ATP12A: variants seen among roughly 807,000 people sequenced by gnomAD.
ATP12A encodes the protein ATPase H+/K+ transporting non-gastric alpha2 subunit.
In ATP12A, 81 loss-of-function variants were observed where a neutral mutation model predicts 111.2. The ratio of observed to expected loss-of-function variants is 0.73; its 90% CI spans 0.61 to 0.88. ATP12A has a LOEUF of 0.88. Ranked by LOEUF, ATP12A falls within the 40% of genes least tolerant of loss-of-function variation. The probability of loss-of-function intolerance (pLI) is 0.00; values close to 1 mark genes in which losing one functional copy is unlikely to be tolerated. For missense variants in ATP12A, 1,196 were observed against 1,313.1 expected (o/e 0.91, Z 1.38); for synonymous variants, 498 against 499.8 (o/e 1.00, Z 0.05).
rs751386358 is a variant in ATP12A, at chr13:24,681,650, G to A, written c.98G>A (p.Gly33Asp). 6.2e-7 allele frequency: 1 copy of A among 1,614,214 alleles called. No homozygotes were observed. Among genetic ancestry groups the A allele is most frequent in the Non-Finnish European group, 8.5e-7 (1 of 1,180,040 alleles). The stretch of plus-strand genomic sequence containing the variant: ...GGGGATGGCAAGGAGAAGTATAGGG[G>A]TCTGAAGAACAACTGCCTGGAACTC... ...DKGDGKEKYR[G>D]LKNNCLELKK... is the part of the protein sequence containing the mutation. Residue 33 changes from glycine (G) to aspartate (D), a missense_variant, in exon 2 of 23, where the codon GGT (glycine) becomes GAT (aspartate). Physicochemically the swap from Gly to Asp is moderately conservative, Grantham distance 94 (BLOSUM62 -1). Transcript: ENST00000381946.
intron 9 of ATP12A, 42 bp downstream of exon 9, chr13:24,692,669 T>A: frequency 6.2e-7 from 1 of 1,600,886 alleles, no homozygotes; most frequent in Non-Finnish European, 8.5e-7. Flanking sequence ...AGCTGTGGAC[T>A]CCATCCTGGG....
chr13:24,712,022 C>T lies in ATP12A; in HGVS notation c.*500C>T, dbSNP rs1363735750. 1.1e-5 allele frequency: 2 copies of T among 178,344 alleles called. No individual in the cohort carries two copies. Among genetic ancestry groups the T allele is most frequent in the Non-Finnish European group, 2.4e-5 (2 of 83,654 alleles). The allele number at this position is 178,344 out of a possible 1,614,324, so 11.0% of individuals were successfully genotyped here. On this transcript the variant is annotated 3_prime_UTR_variant, in exon 23 of 23. Transcript: ENST00000381946. ...GAGGGTCTGCAGGAGATGGAAGTGG[C>T]GGCAGGTTTACATCACAGCAGCACG...
At chr13:24,699,175 C>T (rs1300582136) in intron 12 of ATP12A, among the ~76,000 whole-genome samples, 7 of 152,160 alleles carry the variant, frequency 4.6e-5, no homozygotes, top group South Asian at 2.1e-4. Flanking sequence ...AGAGGCAGAA[C>T]GGCGTGGGGC....
chr13:24,711,597 A>G lies in ATP12A; in HGVS notation c.*75A>G. ...TCATCTTCTGACCGTTTGCTGGGCT[A>G]TTCCCCTGCAGTGCAGACATCGTCA... is the stretch of plus-strand genomic sequence containing the variant. On this transcript the variant is annotated 3_prime_UTR_variant, in exon 23 of 23. Transcript: ENST00000381946. 7 of 1,593,872 alleles carry G rather than the reference A, an allele frequency of 4.4e-6. No homozygotes were observed. Among genetic ancestry groups the G allele is most frequent in the Admixed American group, 1.7e-5 (1 of 59,918 alleles).
chr13:24,702,190 T>C, intron 14 of ATP12A, 119 bp downstream of exon 14: 1 of 1,326,740 alleles, frequency 7.5e-7, no homozygotes, highest in Admixed American at 1.9e-5. Flanking sequence ...ATGCTAGGCT[T>C]GTTTGAGCTA....
At position 24,680,453 on chromosome 13, in the gene ATP12A, T is replaced by A; in HGVS notation, c.-291T>A. On this transcript the variant is annotated 5_prime_UTR_variant, in exon 1 of 23. Coordinates refer to ENST00000381946, the MANE Select transcript of ATP12A (RefSeq NM_001676.7). ...ACCCCTAGCTGTCGGTCCCCCTCCC[T>A]GCGCGCGCGCCGGCGGGTTTCCTAC... is the stretch of plus-strand genomic sequence containing the variant. 2.4e-6 allele frequency: 1 copy of A among 421,636 alleles called. No homozygotes were observed. Among genetic ancestry groups the A allele is most frequent in the Non-Finnish European group, 4.2e-6 (1 of 237,496 alleles). The allele number at this position is 421,636 out of a possible 1,614,324, so 26.1% of individuals were successfully genotyped here.
chr13:24,681,543 A>G lies in ATP12A; in HGVS notation c.10-19A>G. ...AAACCCCATTTGGGGCCAATATTGC[A>G]CCTGGGCTTCTCTTTCAGAAAACCC... On this transcript the variant is annotated intron_variant, in intron 1 of 22. Transcript: ENST00000381946. The G allele has an allele frequency of 1.2e-6, 2 of 1,608,186 alleles. No homozygotes were observed.
intron 11 of ATP12A, among the ~76,000 whole-genome samples, chr13:24,694,919 G>T (rs916077172): frequency 1.3e-5 from 2 of 152,100 alleles, no homozygotes; most frequent in Non-Finnish European, 2.9e-5. Context: ...CTTCTGCCGT[G>T]AGGAGCAGCA....
In ATP12A at chr13:24,685,070, G is replaced by A. The variant is rs995880850; in HGVS notation, c.169-244G>A. On this transcript the variant is annotated intron_variant, in intron 2 of 22. Transcript: ENST00000381946. The surrounding 1 kb of genome is among the most constrained non-coding windows in gnomAD (Gnocchi z 5.5). ...GCTTTGTTCAGAAAAGCTGCAGGCA[G>A]CTTCTGGGTAGTAACAGCAAGTGCA... is the stretch of plus-strand genomic sequence containing the variant. Among the ~76,000 whole-genome samples, 1 of 152,222 alleles carries A rather than the reference G, an allele frequency of 6.6e-6. No individual in the cohort carries two copies.
rs779180633 is a variant in ATP12A, at chr13:24,681,697, G to A, written c.145G>A (p.Glu49Lys). Residue 49 changes from glutamate (E) to lysine (K), a missense_variant, in exon 2 of 23, where the codon GAG becomes AAG. Physicochemically the swap from Glu to Lys is moderately conservative, Grantham distance 56. Around this residue, in one of 3 missense-constraint regions of ATP12A, gnomAD observed 67 missense variants for 64.0 expected, o/e 1.05. Coordinates refer to ENST00000381946, the MANE Select transcript of ATP12A (RefSeq NM_001676.7). ...ACTCAAAAAGAAAAATCACAAAGAG[G>A]AGTTTCAGAAAGAACTCCATCTGGT... ...LELKKKNHKE[E>K]FQKELHLDDH... The A allele has an allele frequency of 3.7e-6, 6 of 1,614,174 alleles. No homozygotes were observed. Among genetic ancestry groups the A allele is most frequent in the Non-Finnish European group, 5.1e-6 (6 of 1,180,022 alleles).
intron 10 of ATP12A, among the ~76,000 whole-genome samples, chr13:24,693,256 A>C (rs1245955388): frequency 6.6e-6 from 1 of 151,842 alleles, no homozygotes; most frequent in East Asian, 1.9e-4. Flanking sequence ...AAATAAAAGG[A>C]CTCCTGTTAA....
At chr13:24,692,763 C>A in intron 9 of ATP12A, 24 bp from the exon 10 acceptor site, 1 of 1,611,066 alleles carries the variant, frequency 6.2e-7, no homozygotes, top group Non-Finnish European at 8.5e-7. Flanking sequence ...CCACAGCAGC[C>A]ACTGTTCTTT....
chr13:24,709,650 A>G, intron 18 of ATP12A, 33 bp from the exon 19 acceptor site: 1 of 1,609,386 alleles, frequency 6.2e-7, no homozygotes, highest in Non-Finnish European at 8.5e-7. Flanking sequence ...AGGCCATCAT[A>G]GAACCTGTGT....
At chr13:24,700,128 C>T (rs1334170259) in intron 12 of ATP12A, among the ~76,000 whole-genome samples, 8 of 152,190 alleles carry the variant, frequency 5.3e-5, no homozygotes. Context: ...ACAAGAGTCC[C>T]TTCCACCTCA....
intron 10 of ATP12A, 122 bp from the exon 11 acceptor site, chr13:24,694,322 C>T (rs1424392029): frequency 1.3e-5 from 17 of 1,283,986 alleles, no homozygotes; most frequent in Middle Eastern, 3.9e-4. Flanking sequence ...TCCCTGATCA[C>T]GTGATAATGT....
intron 17 of ATP12A, among the ~76,000 whole-genome samples, chr13:24,707,679 G>A (rs561449863): frequency 2.8e-4 from 42 of 152,260 alleles, no homozygotes; most frequent in African/African-American, 1.0e-3. Context: ...ACACTCTATA[G>A]TGAGCTTTTT....
chr13:24,709,892 G>T lies in ATP12A; in HGVS notation c.2763+64G>T, dbSNP rs2137725173. 5.7e-6 allele frequency: 9 copies of T among 1,589,624 alleles called. No individual in the cohort carries two copies. The South Asian group carries it at 7.8e-5, about 14-fold the overall frequency. On this transcript the variant is annotated intron_variant, in intron 19 of 22. Coordinates refer to ENST00000381946, the MANE Select transcript of ATP12A (RefSeq NM_001676.7). Reference sequence around the variant, plus strand: ...CTCTCCATGCTCATTGCCCTGCGCAGAATTACATAGAACCTCCATGTCCCT... The same window carrying T: ...CTCTCCATGCTCATTGCCCTGCGCATAATTACATAGAACCTCCATGTCCCT...
chr13:24,707,818 A>G (rs1399380172), intron 17 of ATP12A, among the ~76,000 whole-genome samples: 2 of 152,152 alleles, frequency 1.3e-5, no homozygotes, highest in Non-Finnish European at 1.5e-5. Context: ...AGTTGGGACT[A>G]CAGGCTTGTG....
intron 2 of ATP12A, among the ~76,000 whole-genome samples, chr13:24,682,138 ATATGTGTG>A (rs1874488712): frequency 2.9e-5 from 1 of 34,110 alleles, no homozygotes; most frequent in African/African-American, 1.1e-4. Context: ...TGTGGTGTGT[ATATGTGTG>A]TGGTGTGTGT....
Sources: gnomAD v4.1 joint callset for allele counts (sites outside exome capture counted in the v4.1 genomes callset) on GRCh38, gnomAD v4.1.1 for gene constraint, gnomAD v4.1.1 regional missense constraint, Gnocchi (gnomAD v3.1) non-coding constraint, MANE v1.5 for transcripts, NCBI Gene and HGNC (gene_info 2026-07-23, HGNC 2026-07-21) for gene names.